The following ZNF407 variants were observed in gnomAD, a reference collection of about 807,000 sequenced individuals.
ZNF407 encodes zinc finger protein 407.
Under a neutral mutation model 131.2 loss-of-function variants are expected in ZNF407, and 17 were observed. The observed-to-expected ratio is 0.13, with a 90% CI of 0.09 to 0.19. ZNF407 has a LOEUF of 0.19. ZNF407 is among the 10% of genes least tolerant of loss of function. ZNF407 has a pLI of 1.00. For missense variants in ZNF407, 2,681 were observed against 2,830.6 expected (o/e 0.95, Z 1.20); for synonymous variants, 1,156 against 1,062.0 (o/e 1.09, Z -1.72).
At position 74,635,190 on chromosome 18, in the gene ZNF407, T is replaced by C. The variant is rs1484968322; in HGVS notation, c.4171T>C (p.Leu1391=). ...ATGVRISELP[L]KDCAQGVKKK... ...GGGAGTGAGAATTAGTGAGCTGCCC[T>C]TGAAAGACTGTGCTCAAGGTGTGAA... The change falls in exon 2 of 9, where the codon TTG becomes CTG. Residue 1391 remains leucine, a synonymous_variant. Coordinates refer to ENST00000299687, the MANE Select transcript of ZNF407 (RefSeq NM_017757.3). The surrounding 1 kb of genome is among the most constrained non-coding windows in gnomAD (Gnocchi z 4.7). The C allele has an allele frequency of 2.5e-6, 4 of 1,613,878 alleles. No individual in the cohort carries two copies. The highest frequency in any genetic ancestry group is 2.7e-5 in the African/African-American group (2 of 74,928).
intron 8 of ZNF407, among the ~76,000 whole-genome samples, chr18:75,013,459 A>G (rs1158659873): frequency 6.6e-6 from 1 of 152,090 alleles, no homozygotes; most frequent in Non-Finnish European, 1.5e-5. Context: ...TTCCTCTAAT[A>G]AAAAAGGCCC....
intron 4 of ZNF407, among the ~76,000 whole-genome samples, chr18:74,820,012 T>G (rs967346097): frequency 6.6e-6 from 1 of 152,090 alleles, no homozygotes; most frequent in African/African-American, 2.4e-5. Flanking sequence ...GTATTTAAAA[T>G]CAGCACTGAA....
chr18:74,709,258 C>A (rs1417479928), intron 3 of ZNF407, among the ~76,000 whole-genome samples: 1 of 152,112 alleles, frequency 6.6e-6, no homozygotes, highest in African/African-American at 2.4e-5. Flanking sequence ...ACCACTCATG[C>A]ATATATCTGA....
At chr18:75,049,410 G>A (rs1016974136) in intron 8 of ZNF407, among the ~76,000 whole-genome samples, 5 of 152,196 alleles carry the variant, frequency 3.3e-5, no homozygotes, top group South Asian at 4.1e-4. Context: ...GTGGGTCACC[G>A]GCACTGTCTG....
intron 8 of ZNF407, among the ~76,000 whole-genome samples, chr18:75,021,824 A>G (rs995774098): frequency 4.6e-5 from 7 of 152,072 alleles, no homozygotes; most frequent in Non-Finnish European, 8.8e-5. Context: ...AAAAGAACTA[A>G]CAAAATAACT....
chr18:74,801,171 ATTATCAACTAAT>A (rs1970013103), intron 4 of ZNF407, among the ~76,000 whole-genome samples: 1 of 152,164 alleles, frequency 6.6e-6, no homozygotes, highest in Non-Finnish European at 1.5e-5. Flanking sequence ...TTGATCATCA[ATTATCAACTAAT>A]TTTTAAATTG....
At chr18:74,611,756 G>A (rs922825071) in intron 1 of ZNF407, among the ~76,000 whole-genome samples, 23 of 152,102 alleles carry the variant, frequency 1.5e-4, no homozygotes, top group African/African-American at 5.3e-4. Flanking sequence ...GAATTGTTTC[G>A]CAGCATCATT....
At chr18:74,831,967 C>T (rs977308167) in intron 4 of ZNF407, among the ~76,000 whole-genome samples, 3 of 152,204 alleles carry the variant, frequency 2.0e-5, no homozygotes, top group Non-Finnish European at 2.9e-5. Flanking sequence ...CTGACAAGCC[C>T]GCTGTCAGTC....
At chr18:75,052,032 G>A (rs922676707) in intron 8 of ZNF407, among the ~76,000 whole-genome samples, 7 of 152,192 alleles carry the variant, frequency 4.6e-5, no homozygotes, top group South Asian at 2.1e-4. Context: ...AGGCTCTGGG[G>A]AAGACCTTTG....
intron 3 of ZNF407, among the ~76,000 whole-genome samples, chr18:74,677,759 G>T (rs1986452516): frequency 6.6e-6 from 1 of 151,834 alleles, no homozygotes; most frequent in African/African-American, 2.4e-5. Flanking sequence ...AGCCCCTTTG[G>T]GTCCATTTCT....
At chr18:74,757,569 T>TA (rs1221253053) in intron 3 of ZNF407, among the ~76,000 whole-genome samples, 1 of 152,128 alleles carries the variant, frequency 6.6e-6, no homozygotes, top group East Asian at 1.9e-4. Context: ...TTTTATATCC[T>TA]ATCATATGAT....
chr18:74,999,625 A>G (rs1314271166), intron 8 of ZNF407, among the ~76,000 whole-genome samples: 6 of 152,240 alleles, frequency 3.9e-5, no homozygotes, highest in Admixed American at 3.9e-4. Context: ...ATAACAGTGA[A>G]CTCAAATCTC....
intron 3 of ZNF407, among the ~76,000 whole-genome samples, chr18:74,663,596 C>T (rs924215956): frequency 4.6e-5 from 7 of 152,090 alleles, no homozygotes; most frequent in Non-Finnish European, 8.8e-5. Flanking sequence ...TAACAAACTG[C>T]GCATTTAGGA....
intron 4 of ZNF407, among the ~76,000 whole-genome samples, chr18:74,856,137 A>G (rs1315825752): frequency 1.3e-5 from 2 of 152,246 alleles, no homozygotes; most frequent in African/African-American, 2.4e-5. Context: ...ACAAATTATC[A>G]TAAATATTGG....
intron 5 of ZNF407, among the ~76,000 whole-genome samples, chr18:74,878,699 C>A (rs1048441466): frequency 5.9e-5 from 9 of 152,078 alleles, no homozygotes; most frequent in Admixed American, 3.9e-4. Context: ...AAATGGCACA[C>A]TTGAAACTAA....
At chr18:74,829,481 A>T in intron 4 of ZNF407, among the ~76,000 whole-genome samples, 1 of 152,226 alleles carries the variant, frequency 6.6e-6, no homozygotes, top group Non-Finnish European at 1.5e-5. Flanking sequence ...TTTCTTGAAA[A>T]GAAAGCTGGC....
chr18:74,617,997 C>G (rs1181192874), intron 1 of ZNF407, among the ~76,000 whole-genome samples: 8 of 152,136 alleles, frequency 5.3e-5, no homozygotes, highest in African/African-American at 1.9e-4. Flanking sequence ...TTTTGCTCCT[C>G]TCTCCCCACT....
intron 8 of ZNF407, among the ~76,000 whole-genome samples, chr18:74,968,414 C>T (rs1017813314): frequency 6.6e-6 from 1 of 152,174 alleles, no homozygotes; most frequent in African/African-American, 2.4e-5. Context: ...TTTTCCTACC[C>T]TGATGACCCA....
rs932049449 is a variant in ZNF407, at chr18:74,643,396, AT to A, written c.4802+2278del. 1.6e-4 allele frequency among the ~76,000 whole-genome samples: 24 copies of A among 152,004 alleles called. 1 individual carries two copies. On this transcript the variant is annotated intron_variant, in intron 3 of 8. Coordinates refer to ENST00000299687, the MANE Select transcript of ZNF407 (RefSeq NM_017757.3). ...ATCTTTCAGGAACATTAACTCTATA[AT>A]TTTGTCACAAACAGAAGGTCCTGCA...
Sources: allele counts gnomAD v4.1 joint callset (sites outside exome capture counted in the v4.1 genomes callset), GRCh38; gene constraint gnomAD v4.1.1; non-coding constraint Gnocchi (gnomAD v3.1); transcripts MANE v1.5; gene names NCBI Gene and HGNC (gene_info 2026-07-23, HGNC 2026-07-21).